The following COL19A1 variants were observed in gnomAD, a reference collection of about 807,000 sequenced individuals.
COL19A1 encodes collagen alpha-1(XIX) chain.
Under a neutral mutation model 190.2 loss-of-function variants are expected in COL19A1, and 159 were observed. The ratio of observed to expected loss-of-function variants is 0.84; its 90% CI spans 0.73 to 0.95. The LOEUF (loss-of-function observed/expected upper bound fraction) is 0.95. Among genes scored for constraint, COL19A1 ranks in the 40% least tolerant of loss-of-function variants. The pLI is 0.00. For synonymous variants in COL19A1, 509 were observed against 458.9 expected, an observed-to-expected ratio of 1.11 and a Z score of -1.39; for missense variants, 1,418 against 1,431.9, an observed-to-expected ratio of 0.99 and a Z score of 0.16.
intron 11 of COL19A1, among the ~76,000 whole-genome samples, chr6:69,992,958 C>T (rs910620490): frequency 1.3e-5 from 2 of 151,918 alleles, no homozygotes; most frequent in African/African-American, 4.8e-5. Flanking sequence ...CTTTCTCTTG[C>T]CTGATTGCTC....
At chr6:70,034,767 T>C (rs1779259756) in intron 13 of COL19A1, among the ~76,000 whole-genome samples, 1 of 152,152 alleles carries the variant, frequency 6.6e-6, no homozygotes, top group Non-Finnish European at 1.5e-5. Flanking sequence ...AAAAGGAAAT[T>C]AAGAAATAGG....
chr6:69,957,530 A>C lies in COL19A1; in HGVS notation c.937-2466A>C, dbSNP rs187707556. Reference sequence around the variant, plus strand: ...TGAATTTGTACCTGAAAAGGAATACAAGTCCTTTCATAGAAAACCCCGTAA... The same window carrying C: ...TGAATTTGTACCTGAAAAGGAATACCAGTCCTTTCATAGAAAACCCCGTAA... On this transcript the variant is annotated intron_variant, in intron 9 of 50. Coordinates refer to ENST00000620364, the MANE Select transcript of COL19A1 (RefSeq NM_001858.6). 2.0e-5 allele frequency among the ~76,000 whole-genome samples: 3 copies of C among 152,284 alleles called. No individual in the cohort carries two copies. In the East Asian group the frequency reaches 5.8e-4, roughly 29 times the overall value.
Position 69,909,550 on chromosome 6 carries a change from T to G in COL19A1, c.266+9212T>G, listed in dbSNP as rs189983726. ...TGAGAGTCAGAGATGAATCAAGTTC[T>G]GGGGAGAAGAAAGACATCTAAGGTG... On this transcript the variant is annotated intron_variant, in intron 4 of 50. Transcript: ENST00000620364. 7.9e-5 allele frequency among the ~76,000 whole-genome samples: 12 copies of G among 152,228 alleles called. No homozygotes were observed. The East Asian group carries it at 2.3e-3, about 29-fold the overall frequency.
intron 27 of COL19A1, 73 bp from the exon 28 acceptor site, chr6:70,149,631 T>A: frequency 6.3e-7 from 1 of 1,575,514 alleles, no homozygotes; most frequent in Non-Finnish European, 8.7e-7. Context: ...CAATGCTTAG[T>A]CTTTTATGTC....
chr6:69,888,667 C>T lies in COL19A1; in HGVS notation c.91+9009C>T, dbSNP rs954564444. Reference sequence around the variant, plus strand: ...AATTAGCCGGGCGTGGTGGCTTGTGCCTGTAATCCCAGCTACTCAGGAGGC... The same window carrying T: ...AATTAGCCGGGCGTGGTGGCTTGTGTCTGTAATCCCAGCTACTCAGGAGGC... On this transcript the variant is annotated intron_variant, in intron 2 of 50. Coordinates refer to ENST00000620364, the MANE Select transcript of COL19A1 (RefSeq NM_001858.6). Among the ~76,000 whole-genome samples, 14 of 151,882 alleles carry T rather than the reference C, an allele frequency of 9.2e-5. 1 individual carries two copies. Among genetic ancestry groups the T allele is most frequent in the Admixed American group, 5.2e-4 (8 of 15,260 alleles).
chr6:69,929,421 G>T lies in COL19A1; in HGVS notation c.391-4G>T. On this transcript the variant is annotated splice_region_variant and splice_polypyrimidine_tract_variant and intron_variant, in intron 5 of 50. Transcript: ENST00000620364. The stretch of plus-strand genomic sequence containing the variant: ...ACATTTAAAGATACTTTACATTTTT[G>T]CAGATTTCTATAGTAGTTGATGGTG... 1.2e-6 allele frequency: 2 copies of T among 1,602,890 alleles called. No homozygotes were observed. Among genetic ancestry groups the T allele is most frequent in the Admixed American group, 3.5e-5 (2 of 57,666 alleles).
intron 31 of COL19A1, among the ~76,000 whole-genome samples, chr6:70,154,130 C>A (rs1222538762): frequency 6.7e-6 from 1 of 149,224 alleles, no homozygotes; most frequent in Non-Finnish European, 1.5e-5. Flanking sequence ...CCCCACAGGC[C>A]CCAGTGTGTG....
chr6:70,000,877 A>G (rs912053235), intron 11 of COL19A1, among the ~76,000 whole-genome samples: 1 of 152,144 alleles, frequency 6.6e-6, no homozygotes, highest in East Asian at 1.9e-4. Context: ...GTATAATTAT[A>G]TCCCATTTGT....
intron 15 of COL19A1, among the ~76,000 whole-genome samples, chr6:70,082,829 G>A (rs1160180198): frequency 1.3e-5 from 2 of 152,198 alleles, no homozygotes; most frequent in African/African-American, 4.8e-5. Context: ...GGGTTTCAGG[G>A]TGAAACTGTT....
At chr6:69,921,445 CAT>C (rs1554166250) in intron 4 of COL19A1, among the ~76,000 whole-genome samples, 1 of 27,186 alleles carries the variant, frequency 3.7e-5, no homozygotes, top group Non-Finnish European at 6.7e-5. Context: ...TCATATATAT[CAT>C]ATATCATATA....
chr6:69,879,909 A>G, intron 2 of COL19A1: 2 of 504,078 alleles, frequency 4.0e-6, no homozygotes, highest in Non-Finnish European at 3.5e-6. Flanking sequence ...AAGTATACAT[A>G]CATGCATGTG....
rs1031041071 is a variant in COL19A1, at chr6:70,135,287, G to A, written c.1384-2398G>A. On this transcript the variant is annotated intron_variant, in intron 18 of 50. Coordinates refer to ENST00000620364, the MANE Select transcript of COL19A1 (RefSeq NM_001858.6). ...TTTATGGAAGCTTCATTATGTAGGC[G>A]TGATTGATTAAATCATTTGTCACTG... Among the ~76,000 whole-genome samples the A allele has an allele frequency of 5.3e-5, 8 of 152,218 alleles. No homozygotes were observed. In the East Asian group the frequency reaches 5.8e-4, roughly 11 times the overall value.
intron 16 of COL19A1, among the ~76,000 whole-genome samples, chr6:70,114,121 C>A (rs921284424): frequency 2.0e-5 from 3 of 152,024 alleles, no homozygotes; most frequent in African/African-American, 7.2e-5. Flanking sequence ...AAAGTGCTAG[C>A]ATTGTGGGTG....
chr6:69,914,390 A>G (rs2149990709), intron 4 of COL19A1, among the ~76,000 whole-genome samples: 1 of 152,322 alleles, frequency 6.6e-6, no homozygotes, highest in African/African-American at 2.4e-5. Context: ...GACTTACTAT[A>G]AACTCCAAGC....
Position 70,211,947 on chromosome 6 carries a change from G to A in COL19A1, c.*4673G>A, listed in dbSNP as rs939911486. ...TGCGTGTTCAGATCCAATAGTGAGT[G>A]ATGTGGTACAACTGGAGGAGTTAGC... On this transcript the variant is annotated 3_prime_UTR_variant, in exon 51 of 51. Coordinates refer to ENST00000620364, the MANE Select transcript of COL19A1 (RefSeq NM_001858.6). Among the ~76,000 whole-genome samples the A allele has an allele frequency of 6.6e-6, 1 of 152,122 alleles. No individual in the cohort carries two copies. The highest frequency in any genetic ancestry group is 2.4e-5 in the African/African-American group (1 of 41,424).
intron 1 of COL19A1, among the ~76,000 whole-genome samples, chr6:69,877,992 C>T (rs1332599828): frequency 6.6e-6 from 1 of 151,828 alleles, no homozygotes; most frequent in African/African-American, 2.4e-5. Context: ...GCCTGGGCTA[C>T]AGAGCAAAAC....
At chr6:70,077,842 A>G (rs1160651277) in intron 15 of COL19A1, among the ~76,000 whole-genome samples, 1 of 152,234 alleles carries the variant, frequency 6.6e-6, no homozygotes, top group Non-Finnish European at 1.5e-5. Context: ...ATTTTTATTC[A>G]TTAATAATGC....
At chr6:70,073,798 A>G (rs913017989) in intron 15 of COL19A1, among the ~76,000 whole-genome samples, 3 of 152,148 alleles carry the variant, frequency 2.0e-5, no homozygotes, top group African/African-American at 7.2e-5. Context: ...AGTAGCTGAG[A>G]CCTCAAAATT....
chr6:70,063,261 C>G (rs1488958291), intron 14 of COL19A1, among the ~76,000 whole-genome samples: 2 of 152,090 alleles, frequency 1.3e-5, no homozygotes, highest in Non-Finnish European at 1.5e-5. Context: ...TGTAAAAGAA[C>G]AGAAATCACA....
Sources: gnomAD v4.1 joint callset for allele counts (sites outside exome capture counted in the v4.1 genomes callset) on GRCh38, gnomAD v4.1.1 for gene constraint, MANE v1.5 for transcripts, NCBI Gene and HGNC (gene_info 2026-07-23, HGNC 2026-07-21) for gene names.